AIRE: variants seen among roughly 807,000 people sequenced by gnomAD.
The protein encoded by AIRE is autoimmune regulator, also known as autoimmune polyendocrinopathy candidiasis ectodermal dystrophy protein.
A neutral mutation model predicts 62.1 loss-of-function variants in AIRE; 52 were observed. The ratio of observed to expected loss-of-function variants is 0.84; its 90% CI spans 0.67 to 1.06. The LOEUF (loss-of-function observed/expected upper bound fraction) is 1.06. AIRE is among the 50% of genes least tolerant of loss of function. The pLI is 0.00. For synonymous variants in AIRE, 342 were observed against 321.6 expected, an observed-to-expected ratio of 1.06 and a Z score of -0.68; for missense variants, 774 against 755.8, an observed-to-expected ratio of 1.02 and a Z score of -0.28.
At chr21:44,295,750 C>T (rs899621498) in intron 12 of AIRE, among the ~76,000 whole-genome samples, 1 of 152,124 alleles carries the variant, frequency 6.6e-6, no homozygotes, top group Non-Finnish European at 1.5e-5. Context: ...CTGAGCAGCT[C>T]TCCCACCCCC....
At chr21:44,288,247 A>G in intron 4 of AIRE, 98 bp from the exon 5 acceptor site, 1 of 1,022,662 alleles carries the variant, frequency 9.8e-7, no homozygotes, top group Non-Finnish European at 1.5e-6. Flanking sequence ...CTGGAAGGAA[A>G]GGGCTCTGCA....
chr21:44,292,079 C>T (rs781190793), intron 8 of AIRE, among the ~76,000 whole-genome samples: 8 of 152,304 alleles, frequency 5.3e-5, no homozygotes, highest in South Asian at 4.1e-4. Flanking sequence ...TCAGAGAGCA[C>T]GCCAAGGGGA....
chr21:44,286,566 C>T lies in AIRE; in HGVS notation c.142C>T (p.His48Tyr). ...VPEDKFQETLHLKEKEGCPQA... is the reference protein window; with the variant it reads ...VPEDKFQETLYLKEKEGCPQA... ...TGCCACCCCACTGCAGGAGACGCTTCATCTGAAGGAAAAGGAGGGCTGCCC... is the reference window on the plus strand; with the variant it reads ...TGCCACCCCACTGCAGGAGACGCTTTATCTGAAGGAAAAGGAGGGCTGCCC... The change falls in exon 2 of 14, where the codon CAT (histidine) becomes TAT (tyrosine). Residue 48 changes from histidine to tyrosine, a missense_variant. By Grantham distance (83) the His-to-Tyr change is moderately conservative. Transcript: ENST00000291582. This position sits in a 1 kb window ranked among gnomAD's most constrained non-coding sequence, Gnocchi z 6.0. 1 of 1,610,586 alleles carries T rather than the reference C, an allele frequency of 6.2e-7. No individual in the cohort carries two copies. Among genetic ancestry groups the T allele is most frequent in the East Asian group, 2.2e-5 (1 of 44,778 alleles).
chr21:44,287,294 C>T lies in AIRE; in HGVS notation c.463+161C>T, dbSNP rs2040492523. The T allele has an allele frequency of 1.1e-6, 1 of 872,348 alleles. No homozygotes were observed. The highest frequency in any genetic ancestry group is 1.8e-6 in the Non-Finnish European group (1 of 569,036). The allele number at this position is 872,348 out of a possible 1,614,324, so 54.0% of individuals were successfully genotyped here. ...CTGGGTACTAGACCCACACACTGGA[C>T]CAGCCTCTCAGCTCCCTCCTGCCTG... On this transcript the variant is annotated intron_variant, in intron 3 of 13. Transcript: ENST00000291582. This position sits in a 1 kb window ranked among gnomAD's most constrained non-coding sequence, Gnocchi z 4.3.
At chr21:44,296,548 C>A in intron 13 of AIRE, 103 bp downstream of exon 13, 1 of 1,148,086 alleles carries the variant, frequency 8.7e-7, no homozygotes, top group Non-Finnish European at 1.3e-6. Flanking sequence ...GCCCCCACTG[C>A]TCTTGAGCCG....
At chr21:44,292,764 G>A (rs1022502896) in intron 9 of AIRE, among the ~76,000 whole-genome samples, 2 of 152,160 alleles carry the variant, frequency 1.3e-5, no homozygotes, top group Non-Finnish European at 2.9e-5. Context: ...GGGCCAGGGG[G>A]CCCCCCGTGT....
intron 11 of AIRE, 158 bp from the exon 12 acceptor site, chr21:44,294,243 C>G: frequency 3.6e-6 from 1 of 280,250 alleles, no homozygotes. Context: ...CCCACCCAAA[C>G]CCACCACTCC....
rs147485628 is a variant in AIRE, at chr21:44,293,893, C to T, written c.1383C>T (p.Ala461=). 1.9e-4 allele frequency: 306 copies of T among 1,596,718 alleles called. 5 individuals are homozygous for T. In the African/African-American group the frequency reaches 2.3e-3, roughly 12 times the overall value. Residue 461 remains alanine, a synonymous_variant, in exon 11 of 14, where the codon GCC becomes GCT. Transcript: ENST00000291582. Reference sequence around the variant, plus strand: ...TCCACTGGCGCTGCCACTTCCCAGCCGGCACCTCCCGGCCCGGGTGAGTGA... The same window carrying T: ...TCCACTGGCGCTGCCACTTCCCAGCTGGCACCTCCCGGCCCGGGTGAGTGA... ...AAFHWRCHFP[A]GTSRPGTGLR...
intron 12 of AIRE, among the ~76,000 whole-genome samples, chr21:44,295,574 G>C (rs1167975527): frequency 6.6e-6 from 1 of 152,178 alleles, no homozygotes; most frequent in Non-Finnish European, 1.5e-5. Context: ...CGGGTACCTC[G>C]TCATTAACCT....
At chr21:44,293,727 G>A (rs1341946011) in intron 10 of AIRE, 62 bp from the exon 11 acceptor site, 1 of 1,592,842 alleles carries the variant, frequency 6.3e-7, no homozygotes, top group Non-Finnish European at 8.5e-7. Context: ...CAGGGCTCGG[G>A]TTCGGGTTCA....
At chr21:44,290,677 T>G in intron 7 of AIRE, 1 of 1,257,272 alleles carries the variant, frequency 8.0e-7, no homozygotes, top group Non-Finnish European at 1.1e-6. Flanking sequence ...GGGAGACCCC[T>G]GAAGGCACAG....
rs1399150442 is a variant in AIRE at position 44,285,962 on chromosome 21, GGACCC to G, written c.-44_-40del. 6.6e-7 allele frequency: 1 copy of G among 1,514,852 alleles called. No individual in the cohort carries two copies. The highest frequency in any genetic ancestry group is 1.4e-5 in the African/African-American group (1 of 70,982). 93.8% of individuals were successfully genotyped at this position (1,514,852 alleles called of 1,614,324 possible). A position where few individuals can be genotyped will look rare whatever the true frequency, so the allele number is the denominator to read the frequency against. Reference sequence around the variant, plus strand: ...CAAGCGAGGGGCTGCCAGTGTCCCGGGACCCACCGCGTCCGCCCCAGCCCCGGGTC... The same window carrying G: ...CAAGCGAGGGGCTGCCAGTGTCCCGGACCGCGTCCGCCCCAGCCCCGGGTC... On this transcript the variant is annotated 5_prime_UTR_variant, in exon 1 of 14. Transcript: ENST00000291582.
At chr21:44,296,633 GC>G (rs543359764) in intron 13 of AIRE, among the ~76,000 whole-genome samples, 188 bp downstream of exon 13, 1 of 142,086 alleles carries the variant, frequency 7.0e-6, no homozygotes, top group Non-Finnish European at 1.6e-5. Context: ...CCCCACAGGA[GC>G]CCCCCTAGCC....
rs374475349 is a variant in AIRE, at chr21:44,292,400, C to T, written c.1094C>T (p.Pro365Leu). 5.0e-5 allele frequency: 78 copies of T among 1,549,888 alleles called. No individual in the cohort carries two copies. Among genetic ancestry groups the T allele is most frequent in the African/African-American group, 1.8e-4 (13 of 73,332 alleles). The part of the protein sequence containing the change: ...PRPQEPPVET[P>L]LPPGLRSAGE... ...CCCCAGGAGCCACCCGTGGAGACCC[C>T]GGTATGGCCACGCCCCCTCCTAGCC... is the stretch of plus-strand genomic sequence containing the variant. Residue 365 changes from proline (P) to leucine (L), a missense_variant and splice_region_variant, in exon 9 of 14, where the codon CCG becomes CTG. This residue lies in a region of AIRE where 354 missense variants were observed against 296.1 expected (regional missense o/e 1.20). Coordinates refer to ENST00000291582, the MANE Select transcript of AIRE (RefSeq NM_000383.4).
intron 12 of AIRE, among the ~76,000 whole-genome samples, chr21:44,295,074 C>T (rs945786379): frequency 2.0e-5 from 3 of 151,880 alleles, no homozygotes; most frequent in South Asian, 2.1e-4. Context: ...GGGGGAGGCC[C>T]GAGTCGCTGC....
chr21:44,294,613 G>T (rs757438058), intron 12 of AIRE, 110 bp downstream of exon 12: 10 of 510,940 alleles, frequency 2.0e-5, no homozygotes, highest in Admixed American at 3.7e-5. Context: ...CAGCTTCGAG[G>T]GCTTGCACCA....
chr21:44,288,843 C>A, intron 5 of AIRE: 1 of 205,718 alleles, frequency 4.9e-6, no homozygotes, highest in Non-Finnish European at 1.0e-5. Context: ...AGCGTCCTTG[C>A]CCCCCATACC....
chr21:44,290,809 G>A (rs556919503), intron 7 of AIRE: 17 of 1,537,840 alleles, frequency 1.1e-5, no homozygotes, highest in Non-Finnish European at 1.5e-5. Flanking sequence ...AAGGGTTCAT[G>A]TGGTTGGTGT....
In AIRE at chr21:44,288,346, G is replaced by A. The variant is rs777290325; in HGVS notation, c.540G>A (p.Gly180=). Residue 180 remains glycine, a splice_region_variant and synonymous_variant, in exon 5 of 14, where the codon GGG becomes GGA. Transcript: ENST00000291582. ...AEQQRLPLGN[G]IQTMSASVQR... is the part of the protein sequence containing the mutation. ...CCCAATGGGTGTTCCCTTTCCCAGG[G>A]ATTCAGACCATGTCAGCTTCAGTCC... 2.5e-6 allele frequency: 4 copies of A among 1,604,222 alleles called. No homozygotes were observed. The East Asian group carries it at 6.7e-5, about 27-fold the overall frequency.
Sources: allele counts gnomAD v4.1 joint callset (sites outside exome capture counted in the v4.1 genomes callset), GRCh38; gene constraint gnomAD v4.1.1; regional missense constraint gnomAD v4.1.1; non-coding constraint Gnocchi (gnomAD v3.1); transcripts MANE v1.5; gene names NCBI Gene and HGNC (gene_info 2026-07-23, HGNC 2026-07-21).